XRN1: variants seen among roughly 807,000 people sequenced by gnomAD.
XRN1 encodes the protein 5'-3' exoribonuclease 1.
In XRN1, 67 loss-of-function variants were observed where a neutral mutation model predicts 222.3. That is an observed-to-expected ratio of 0.30 (90% CI 0.25 to 0.37). The LOEUF (loss-of-function observed/expected upper bound fraction) is 0.37, where lower values mean the gene tolerates loss of function less well. Ranked by LOEUF, XRN1 falls within the 10% of genes least tolerant of loss-of-function variation. The pLI is 1.00. For synonymous variants in XRN1, 643 were observed against 652.4 expected, an observed-to-expected ratio of 0.99 and a Z score of 0.22; for missense variants, 1,707 against 2,000.2, an observed-to-expected ratio of 0.85 and a Z score of 2.80.
intron 20 of XRN1, among the ~76,000 whole-genome samples, chr3:142,390,143 C>T (rs910645020): frequency 2.0e-5 from 3 of 152,226 alleles, no homozygotes; most frequent in African/African-American, 7.2e-5. Context: ...AGATTTAGCA[C>T]AATTCTTAAA....
At chr3:142,385,710 C>T (rs1208140634) in intron 20 of XRN1, among the ~76,000 whole-genome samples, 1 of 152,034 alleles carries the variant, frequency 6.6e-6, no homozygotes, top group East Asian at 1.9e-4. Flanking sequence ...GGAATACTTT[C>T]TTATCTCCTT....
rs73238159 is a variant in XRN1, at chr3:142,359,917, C to T, written c.3409G>A (p.Asp1137Asn). 189,354 of 1,594,384 alleles carry T rather than the reference C, an allele frequency of 0.12. 12,046 individuals are homozygous for T. Among genetic ancestry groups the T allele is most frequent in the Non-Finnish European group, 0.13 (150,448 of 1,167,414 alleles). The change falls in exon 30 of 41, where the codon GAT (aspartate) becomes AAT (asparagine). Residue 1137 changes from aspartate to asparagine, a missense_variant. Physicochemically the swap from Asp to Asn is conservative, Grantham distance 23. Around this residue, in one of 2 missense-constraint regions of XRN1, gnomAD observed 1,234 missense variants for 1,518.2 expected, o/e 0.81. Transcript: ENST00000392981. The stretch of plus-strand genomic sequence containing the variant: ...TCAAATAATACTTCAAATAGTACAT[C>T]GGCTTCTCTATTAGCTGTTACAATA... ...IGIKGANREA[D>N]VLFEVLFDEE... is the part of the protein sequence containing the mutation.
intron 15 of XRN1, among the ~76,000 whole-genome samples, chr3:142,405,351 G>A (rs987275544): frequency 6.6e-6 from 1 of 152,094 alleles, no homozygotes; most frequent in African/African-American, 2.4e-5. Context: ...CAAGGCAGCA[G>A]AAAATCAAAT....
At chr3:142,387,742 G>A (rs2067560760) in intron 20 of XRN1, among the ~76,000 whole-genome samples, 2 of 152,210 alleles carry the variant, frequency 1.3e-5, no homozygotes, top group South Asian at 2.1e-4. Flanking sequence ...GGAGCCTGGT[G>A]AGAGATGTCT....
intron 37 of XRN1, among the ~76,000 whole-genome samples, chr3:142,320,565 AGTCCCATTT>A (rs2065325848): frequency 6.6e-6 from 1 of 151,840 alleles, no homozygotes; most frequent in African/African-American, 2.4e-5. Flanking sequence ...AGTTTAGTTG[AGTCCCATTT>A]GTCTATTTTT....
At chr3:142,381,878 T>C (rs2067317695) in intron 22 of XRN1, among the ~76,000 whole-genome samples, 1 of 152,146 alleles carries the variant, frequency 6.6e-6, no homozygotes, top group South Asian at 2.1e-4. Context: ...CATTGACATT[T>C]TGAAGAATAT....
At chr3:142,364,160 G>GT (rs2066744259) in intron 29 of XRN1, among the ~76,000 whole-genome samples, 1 of 152,214 alleles carries the variant, frequency 6.6e-6, no homozygotes, top group African/African-American at 2.4e-5. Context: ...TGCAAAATAT[G>GT]TTAGTGCCTG....
chr3:142,410,487 G>GTTTTTTTTTT (rs751870329), intron 15 of XRN1, among the ~76,000 whole-genome samples: 23 of 68,076 alleles, frequency 3.4e-4, no homozygotes, highest in African/African-American at 5.5e-4. Context: ...TCTATCTCAT[G>GTTTTTTTTTT]TTTTTTTTTT....
At chr3:142,423,449 G>T in intron 6 of XRN1, 111 bp downstream of exon 6, 1 of 766,104 alleles carries the variant, frequency 1.3e-6, no homozygotes. Flanking sequence ...TATCAACATA[G>T]TGAAAAGGCA....
At position 142,310,792 on chromosome 3, in the gene XRN1, T is replaced by A. The variant is rs983115074; in HGVS notation, c.*719A>T. ...TTTACTAGAAATTACTAATGCTGGT[T>A]CTTGAGTAACCTAAAAAATTGTATT... On this transcript the variant is annotated 3_prime_UTR_variant, in exon 41 of 41. Coordinates refer to ENST00000392981, the MANE Select transcript of XRN1 (RefSeq NM_001282857.2). 5.2e-5 allele frequency: 8 copies of A among 152,662 alleles called. No individual in the cohort carries two copies. The highest frequency in any genetic ancestry group is 1.2e-4 in the Non-Finnish European group (8 of 68,024). 9.5% of individuals were successfully genotyped at this position (152,662 alleles called of 1,614,324 possible).
At chr3:142,427,910 T>C (rs1200293057) in intron 2 of XRN1, among the ~76,000 whole-genome samples, 1 of 152,266 alleles carries the variant, frequency 6.6e-6, no homozygotes. Flanking sequence ...ATTTCTGTGA[T>C]GAACAAACTC....
At chr3:142,360,000 T>C (rs986818239) in intron 29 of XRN1, 69 bp from the exon 30 acceptor site, 1 of 1,041,146 alleles carries the variant, frequency 9.6e-7, no homozygotes, top group African/African-American at 1.6e-5. Flanking sequence ...GATAAGTTTT[T>C]GGAGTGTTTG....
chr3:142,378,032 T>C (rs2067193034), intron 23 of XRN1, among the ~76,000 whole-genome samples: 1 of 152,168 alleles, frequency 6.6e-6, no homozygotes, highest in Non-Finnish European at 1.5e-5. Context: ...CTTAAATTCA[T>C]TTCACAGGAT....
intron 8 of XRN1, among the ~76,000 whole-genome samples, 172 bp from the exon 9 acceptor site, chr3:142,421,715 T>C (rs568931781): frequency 6.6e-6 from 1 of 152,326 alleles, no homozygotes; most frequent in Non-Finnish European, 1.5e-5. Context: ...TTTATGCTAC[T>C]ATAATATGCA....
rs2067125181 is a variant in XRN1, at chr3:142,375,824, T to C, written c.2952A>G (p.Glu984=). 1 of 1,613,706 alleles carries C rather than the reference T, an allele frequency of 6.2e-7. No individual in the cohort carries two copies. Among genetic ancestry groups the C allele is most frequent in the African/African-American group, 1.3e-5 (1 of 74,886 alleles). The change falls in exon 25 of 41, where the codon GAA becomes GAG. Residue 984 remains glutamate, a synonymous_variant. Coordinates refer to ENST00000392981, the MANE Select transcript of XRN1 (RefSeq NM_001282857.2). ...TCTCTAAGTACTCTGCCAGAAGTTGTTCTGCTGCAGATGAATACATCCATT... is the reference window on the plus strand; with the variant it reads ...TCTCTAAGTACTCTGCCAGAAGTTGCTCTGCTGCAGATGAATACATCCATT... The part of the protein sequence containing the change: ...GSEWMYSSAA[E]QLLAEYLERA...
At chr3:142,365,564 T>A (rs2066788824) in intron 27 of XRN1, among the ~76,000 whole-genome samples, 198 bp from the exon 28 acceptor site, 1 of 152,100 alleles carries the variant, frequency 6.6e-6, no homozygotes, top group African/African-American at 2.4e-5. Context: ...TATTTAAAAA[T>A]TTTTTAAAGT....
In XRN1 at chr3:142,318,770, A is replaced by T. The variant is rs747455070; in HGVS notation, c.4518+20T>A. ...GGGACTAATAAAAATTTTAATAGAG[A>T]AGTCATGGACAGTTCTTACCAACTG... is the stretch of plus-strand genomic sequence containing the variant. On this transcript the variant is annotated intron_variant, in intron 38 of 40. Transcript: ENST00000392981. 1.9e-6 allele frequency: 3 copies of T among 1,612,778 alleles called. No homozygotes were observed. The highest frequency in any genetic ancestry group is 1.7e-6 in the Non-Finnish European group (2 of 1,179,076).
chr3:142,421,017 T>C lies in XRN1; in HGVS notation c.1172A>G (p.Lys391Arg), dbSNP rs2069007135. 6.2e-7 allele frequency: 1 copy of C among 1,613,944 alleles called. No homozygotes were observed. The highest frequency in any genetic ancestry group is 8.5e-7 in the Non-Finnish European group (1 of 1,179,962). ...AAGGACACCTAAAAAAATAGACACC[T>C]TTAACTTTTTCTTTTCCTTGTAGTT... ...ARNYKEKKKL[K>R]GQENSLCWTA... The change falls in exon 10 of 41, where the codon AAG becomes AGG. Residue 391 changes from lysine to arginine, a missense_variant and splice_region_variant. Around this residue, in one of 2 missense-constraint regions of XRN1, gnomAD observed 1,234 missense variants for 1,518.2 expected, o/e 0.81. Coordinates refer to ENST00000392981, the MANE Select transcript of XRN1 (RefSeq NM_001282857.2).
chr3:142,430,841 T>G (rs759243410), intron 2 of XRN1, among the ~76,000 whole-genome samples: 5 of 152,202 alleles, frequency 3.3e-5, no homozygotes, highest in African/African-American at 4.8e-5. Flanking sequence ...ACAGAAATAT[T>G]CCACATGTCC....
Sources: gnomAD v4.1 joint callset for allele counts (sites outside exome capture counted in the v4.1 genomes callset) on GRCh38, gnomAD v4.1.1 for gene constraint, gnomAD v4.1.1 regional missense constraint, MANE v1.5 for transcripts, NCBI Gene and HGNC (gene_info 2026-07-23, HGNC 2026-07-21) for gene names.